Variants in MPHOSPH10 observed in about 807,000 individuals in gnomAD.
The protein encoded by MPHOSPH10 is M-phase phosphoprotein 10, also known as U3 small nucleolar ribonucleoprotein MPP10.
A neutral mutation model predicts 77.3 loss-of-function variants in MPHOSPH10; 33 were observed. The ratio of observed to expected loss-of-function variants is 0.43; its 90% CI spans 0.32 to 0.57. The LOEUF is 0.57. Among genes scored for constraint, MPHOSPH10 ranks in the 20% least tolerant of loss-of-function variants. The pLI is 0.07. For synonymous variants in MPHOSPH10, 245 were observed against 268.0 expected, an observed-to-expected ratio of 0.91 and a Z score of 0.84; for missense variants, 708 against 780.1, an observed-to-expected ratio of 0.91 and a Z score of 1.10.
chr2:71,141,131 T>C (rs1447232661), intron 6 of MPHOSPH10, 101 bp from the exon 7 acceptor site: 1 of 509,956 alleles, frequency 2.0e-6, no homozygotes, highest in African/African-American at 2.1e-5. Context: ...ATTAATATAT[T>C]GATAATATTT....
At chr2:71,132,174 C>T (rs1367851786) in intron 1 of MPHOSPH10, among the ~76,000 whole-genome samples, 2 of 152,228 alleles carry the variant, frequency 1.3e-5, no homozygotes, top group African/African-American at 4.8e-5. Flanking sequence ...ATTATCCTTT[C>T]GCTGGAATGC....
At chr2:71,134,512 A>C in intron 3 of MPHOSPH10, 114 bp from the exon 4 acceptor site, 1 of 909,054 alleles carries the variant, frequency 1.1e-6, no homozygotes, top group Non-Finnish European at 1.7e-6. Flanking sequence ...AGTTCTGAGT[A>C]TTTGGTTGCA....
chr2:71,138,927 G>A (rs1212663156), intron 5 of MPHOSPH10: 3 of 582,576 alleles, frequency 5.1e-6, no homozygotes, highest in East Asian at 2.9e-5. Context: ...CCATCTACTC[G>A]GAAGGCTGAG....
intron 1 of MPHOSPH10, 38 bp downstream of exon 1, chr2:71,130,792 G>A (rs1168233116): frequency 2.6e-6 from 4 of 1,567,762 alleles, no homozygotes; most frequent in African/African-American, 1.3e-5. Context: ...TGCGACCGGG[G>A]TCTCACGTGG....
intron 3 of MPHOSPH10, 64 bp from the exon 4 acceptor site, chr2:71,134,562 G>A: frequency 6.9e-7 from 1 of 1,456,920 alleles, no homozygotes; most frequent in Non-Finnish European, 9.3e-7. Flanking sequence ...GGGAAAATTT[G>A]TTTCCTTTTG....
chr2:71,148,552 A>G lies in MPHOSPH10; in HGVS notation c.1665+446A>G, dbSNP rs1673759423. On this transcript the variant is annotated intron_variant, in intron 9 of 10. Coordinates refer to ENST00000244230, the MANE Select transcript of MPHOSPH10 (RefSeq NM_005791.3). ...GAGGCTAGATATATCAAATGCAGCA[A>G]TCCCTGCCATGTGAACATTGAAGCT... The G allele has an allele frequency of 3.7e-5, 6 of 163,128 alleles. 1 individual carries two copies. The South Asian group carries it at 9.8e-4, about 27-fold the overall frequency. The allele number at this position is 163,128 out of a possible 1,614,324, so 10.1% of individuals were successfully genotyped here.
chr2:71,136,359 A>T (rs1673489120), intron 4 of MPHOSPH10, among the ~76,000 whole-genome samples: 3 of 152,092 alleles, frequency 2.0e-5, no homozygotes, highest in East Asian at 1.9e-4. Context: ...ACTAAAGATT[A>T]AAAAAGTTAG....
At chr2:71,149,603 A>C in intron 10 of MPHOSPH10, 150 bp downstream of exon 10, 2 of 803,726 alleles carry the variant, frequency 2.5e-6, no homozygotes, top group Non-Finnish European at 3.9e-6. Context: ...GCAACCTTTA[A>C]TGTTCTAGAA....
intron 8 of MPHOSPH10, 22 bp downstream of exon 8, chr2:71,144,560 T>G: frequency 1.9e-6 from 3 of 1,554,016 alleles, no homozygotes; most frequent in Non-Finnish European, 2.7e-6. Context: ...AACAGTTCAG[T>G]GTGTAGCTAG....
intron 6 of MPHOSPH10, 41 bp from the exon 7 acceptor site, chr2:71,141,191 T>C (rs1349723143): frequency 1.5e-6 from 2 of 1,297,100 alleles, no homozygotes; most frequent in African/African-American, 3.1e-5. Flanking sequence ...TAGAAATAAA[T>C]TGTAGGTTTT....
At chr2:71,141,609 C>G (rs1673615386) in intron 7 of MPHOSPH10, among the ~76,000 whole-genome samples, 1 of 152,190 alleles carries the variant, frequency 6.6e-6, no homozygotes, top group Admixed American at 6.5e-5. Flanking sequence ...AACTCATTAA[C>G]TTTCTAGCAA....
In MPHOSPH10 at chr2:71,149,880, C is replaced by A; in HGVS notation, c.1911C>A (p.Asp637Glu). 6.5e-7 allele frequency: 1 copy of A among 1,548,686 alleles called. No individual in the cohort carries two copies. Among genetic ancestry groups the A allele is most frequent in the Non-Finnish European group, 8.6e-7 (1 of 1,157,634 alleles). The change falls in exon 11 of 11, where the codon GAC becomes GAA. Residue 637 changes from aspartate to glutamate, a missense_variant. Physicochemically the swap from Asp to Glu is conservative, Grantham distance 45. This residue lies in a region of MPHOSPH10 where 263 missense variants were observed against 320.0 expected (regional missense o/e 0.82). Coordinates refer to ENST00000244230, the MANE Select transcript of MPHOSPH10 (RefSeq NM_005791.3). ...TTTAATTGCAGGATGAAGGTAAAGACAAGGCCTTAAAGTCCTCTCAAGCAT... is the reference window on the plus strand; with the variant it reads ...TTTAATTGCAGGATGAAGGTAAAGAAAAGGCCTTAAAGTCCTCTCAAGCAT... ...KASFIKDEGK[D>E]KALKSSQAFF...
At chr2:71,138,754 G>C (rs545033948) in intron 5 of MPHOSPH10, 123 bp downstream of exon 5, 2 of 1,352,636 alleles carry the variant, frequency 1.5e-6, no homozygotes, top group Admixed American at 3.9e-5. Flanking sequence ...TAAACACATG[G>C]CTTGGCATGG....
intron 5 of MPHOSPH10, chr2:71,138,876 AAT>A (rs1162012198): frequency 1.6e-6 from 1 of 612,182 alleles, no homozygotes; most frequent in Non-Finnish European, 2.9e-6. Context: ...CTCTACTAAA[AAT>A]ACAAAAATCA....
chr2:71,142,727 C>A (rs72905531), intron 7 of MPHOSPH10, among the ~76,000 whole-genome samples: 6,180 of 152,162 alleles, frequency 0.041, 375 homozygotes, highest in African/African-American at 0.13. Flanking sequence ...GTGTGAGGTA[C>A]GTTAAAATAG....
In MPHOSPH10 at chr2:71,133,591, GAA is replaced by G; in HGVS notation, c.768+16_768+17del. 1 of 1,471,218 alleles carries G rather than the reference GAA, an allele frequency of 6.8e-7. No homozygotes were observed. The highest frequency in any genetic ancestry group is 2.4e-5 in the East Asian group (1 of 41,084). The allele number at this position is 1,471,218 out of a possible 1,614,324, so 91.1% of individuals were successfully genotyped here. On this transcript the variant is annotated intron_variant, in intron 2 of 10. Transcript: ENST00000244230. Reference sequence around the variant, plus strand: ...AAAAACTTAAGGTAAAGTTTTGAGAGAAGAGAGAGCACTTTCCTCCTCAAATT... The same window carrying G: ...AAAAACTTAAGGTAAAGTTTTGAGAGGAGAGAGCACTTTCCTCCTCAAATT...
At chr2:71,142,035 AAAAG>A (rs141483199) in intron 7 of MPHOSPH10, among the ~76,000 whole-genome samples, 44,793 of 151,678 alleles carry the variant, frequency 0.3, 6,741 homozygotes, top group Admixed American at 0.39. Context: ...CCATCTCAAA[AAAAG>A]AAAGAAAGAA....
chr2:71,135,622 C>G (rs1013596221), intron 4 of MPHOSPH10, among the ~76,000 whole-genome samples: 5 of 144,936 alleles, frequency 3.4e-5, no homozygotes, highest in South Asian at 2.3e-4. Context: ...CATGTCTCTC[C>G]TGATAAAGCT....
At chr2:71,135,624 G>A (rs1316868384) in intron 4 of MPHOSPH10, among the ~76,000 whole-genome samples, 1 of 143,826 alleles carries the variant, frequency 7.0e-6, no homozygotes, top group Admixed American at 7.3e-5. Context: ...TGTCTCTCCT[G>A]ATAAAGCTGT....
Sources: gnomAD v4.1 joint callset for allele counts (sites outside exome capture counted in the v4.1 genomes callset) on GRCh38, gnomAD v4.1.1 for gene constraint, gnomAD v4.1.1 regional missense constraint, MANE v1.5 for transcripts, NCBI Gene and HGNC (gene_info 2026-07-23, HGNC 2026-07-21) for gene names.